Variants in MDH1B observed in about 807,000 individuals in gnomAD.
The protein encoded by MDH1B is malate dehydrogenase 1B, also known as putative malate dehydrogenase 1B.
Under a neutral mutation model 61.4 loss-of-function variants are expected in MDH1B, and 60 were observed. The observed-to-expected ratio is 0.98, with a 90% CI of 0.79 to 1.21. The LOEUF is 1.21. MDH1B is among the 50% of genes most tolerant of loss of function. The pLI, the probability that MDH1B is intolerant of heterozygous loss-of-function variation, is 0.00. For missense variants in MDH1B, 587 were observed against 632.1 expected (o/e 0.93, Z 0.76); for synonymous variants, 236 against 218.7 (o/e 1.08, Z -0.70).
At chr2:206,764,238 C>T (rs1001213818) in intron 1 of MDH1B, among the ~76,000 whole-genome samples, 1 of 151,186 alleles carries the variant, frequency 6.6e-6, no homozygotes, top group African/African-American at 2.4e-5. Context: ...GTCAAAGCTG[C>T]TGTGAGCCAC....
chr2:206,756,255 A>G (rs944286501), intron 4 of MDH1B, among the ~76,000 whole-genome samples: 2 of 152,222 alleles, frequency 1.3e-5, no homozygotes, highest in African/African-American at 2.4e-5. Context: ...ATCATTCTCA[A>G]TTCCTTTCTG....
At position 206,765,276 on chromosome 2, in the gene MDH1B, G is replaced by T. The variant is rs765857440; in HGVS notation, c.-5C>A. On this transcript the variant is annotated 5_prime_UTR_variant, in exon 1 of 12. Transcript: ENST00000374412. ...CGCGATGACGAATTTGGCCATGGTC[G>T]AGAGAGACTCAGAGGCAGGGACCGC... 6 of 1,601,196 alleles carry T rather than the reference G, an allele frequency of 3.7e-6. No homozygotes were observed. The South Asian group carries it at 6.7e-5, about 18-fold the overall frequency.
intron 1 of MDH1B, among the ~76,000 whole-genome samples, chr2:206,761,385 G>C (rs1016240534): frequency 2.6e-5 from 4 of 152,164 alleles, no homozygotes; most frequent in Non-Finnish European, 4.4e-5. Flanking sequence ...GGTAAAGTTT[G>C]AAGTGAGGAG....
At chr2:206,757,672 T>A (rs111661774) in intron 2 of MDH1B, among the ~76,000 whole-genome samples, 3 of 152,336 alleles carry the variant, frequency 2.0e-5, no homozygotes, top group African/African-American at 7.2e-5. Flanking sequence ...AGGTCACATG[T>A]TCCAACTCAA....
rs749704450 is a variant in MDH1B, at chr2:206,750,967, T to A, written c.1019A>T (p.Tyr340Phe). 5.0e-6 allele frequency: 8 copies of A among 1,611,388 alleles called. No individual in the cohort carries two copies. Among genetic ancestry groups the A allele is most frequent in the Non-Finnish European group, 6.8e-6 (8 of 1,178,574 alleles). The change falls in exon 6 of 12, where the codon TAT becomes TTT. Residue 340 changes from tyrosine (Y) to phenylalanine (F), a missense_variant. Physicochemically the swap from Tyr to Phe is conservative, Grantham distance 22. Transcript: ENST00000374412. ...AATCAAGTTTAAAACAGGGCGTGAA[T>A]AATGAAGAGGTCCCCAAATGGCACT... ...YESAIWGPLHYSRPVLNLIFD... is the reference protein window; with the variant it reads ...YESAIWGPLHFSRPVLNLIFD...
intron 9 of MDH1B, 44 bp from the exon 10 acceptor site, chr2:206,741,148 C>T (rs748914302): frequency 2.5e-6 from 4 of 1,609,778 alleles, no homozygotes; most frequent in Non-Finnish European, 3.4e-6. Flanking sequence ...TAGAATATAA[C>T]CAACAACCTA....
intron 2 of MDH1B, 27 bp from the exon 3 acceptor site, chr2:206,757,398 C>A (rs1688827851): frequency 6.2e-7 from 1 of 1,601,548 alleles, no homozygotes; most frequent in African/African-American, 1.3e-5. Context: ...CAAGTGAAGT[C>A]ATATATTAAA....
At chr2:206,754,546 C>T (rs1471704559) in intron 5 of MDH1B, among the ~76,000 whole-genome samples, 1 of 152,066 alleles carries the variant, frequency 6.6e-6, no homozygotes, top group Admixed American at 6.5e-5. Context: ...CATTGAATCC[C>T]CACATCAATT....
chr2:206,753,403 C>T (rs554690467), intron 5 of MDH1B, among the ~76,000 whole-genome samples: 1 of 152,164 alleles, frequency 6.6e-6, no homozygotes, highest in Non-Finnish European at 1.5e-5. Context: ...CCGCCTCAGC[C>T]TCCCAAGTAG....
Position 206,750,110 on chromosome 2 carries a change from T to C in MDH1B, c.1052+824A>G, listed in dbSNP as rs545066617. Among the ~76,000 whole-genome samples the C allele has an allele frequency of 4.6e-5, 7 of 151,988 alleles. No homozygotes were observed. The East Asian group carries it at 1.4e-3, about 30-fold the overall frequency. On this transcript the variant is annotated intron_variant, in intron 6 of 11. Transcript: ENST00000374412. The stretch of plus-strand genomic sequence containing the variant: ...CTAGGCAGGGGCGAAGCTCCTATGG[T>C]CTGAGGAAGAAAAGGAAAGCAAAGG...
At chr2:206,764,440 G>A (rs772374409) in intron 1 of MDH1B, among the ~76,000 whole-genome samples, 4 of 152,204 alleles carry the variant, frequency 2.6e-5, no homozygotes, top group Non-Finnish European at 4.4e-5. Context: ...GGAAGCAGAA[G>A]TAGAAGCCTT....
At chr2:206,754,955 T>G in intron 5 of MDH1B, 54 bp downstream of exon 5, 4 of 1,567,478 alleles carry the variant, frequency 2.6e-6, no homozygotes, top group Middle Eastern at 2.2e-4. Context: ...CTAGCTGCTT[T>G]GAAATCATGT....
At chr2:206,750,313 G>A (rs1356169481) in intron 6 of MDH1B, among the ~76,000 whole-genome samples, 6 of 149,932 alleles carry the variant, frequency 4.0e-5, no homozygotes, top group Admixed American at 2.6e-4. Flanking sequence ...AGACCCTATA[G>A]GGAGGACCCT....
rs767411575 is a variant in MDH1B at position 206,741,056 on chromosome 2, T to C, written c.1457A>G (p.Asp486Gly). The change falls in exon 10 of 12, where the codon GAT (aspartate) becomes GGT (glycine). Residue 486 changes from aspartate (D) to glycine (G), a missense_variant and splice_region_variant. Asp to Gly is a moderately conservative substitution (Grantham distance 94). Transcript: ENST00000374412. ...PDEEKNLAMS[D>G]AAEFPNQIPQ... Reference sequence around the variant, plus strand: ...TGTTTATAACCCCACTGACTTACCATCTGACATAGCTAGATTTTTTTCTTC... The same window carrying C: ...TGTTTATAACCCCACTGACTTACCACCTGACATAGCTAGATTTTTTTCTTC... The C allele has an allele frequency of 3.7e-6, 6 of 1,613,066 alleles. No individual in the cohort carries two copies. The Admixed American group carries it at 6.7e-5, about 18-fold the overall frequency.
In MDH1B at chr2:206,756,962, CTA is replaced by C. The variant is rs763241203; in HGVS notation, c.347_348del (p.Ile116ArgfsTer48). 1 of 1,614,102 alleles carries C rather than the reference CTA, an allele frequency of 6.2e-7. No individual in the cohort carries two copies. Among genetic ancestry groups the C allele is most frequent in the South Asian group, 1.1e-5 (1 of 91,076 alleles). ...AGGGCTTCTTCCTCCTGCTCTTTTT[CTA>C]TATGTGCCCCCAGGTTCTCTTGAGC... is the stretch of plus-strand genomic sequence containing the variant. ...VIAQENLGAH[I>X]EKEQEEEALK... On this transcript the variant is annotated frameshift_variant, in exon 4 of 12. Coordinates refer to ENST00000374412, the MANE Select transcript of MDH1B (RefSeq NM_001039845.3). LOFTEE classifies it high-confidence loss of function.
intron 4 of MDH1B, among the ~76,000 whole-genome samples, chr2:206,756,079 T>C (rs16838824): frequency 0.12 from 17,891 of 152,150 alleles, 1,478 homozygotes; most frequent in African/African-American, 0.24. Context: ...ATGCCCACCA[T>C]GGGAAGTTCA....
At chr2:206,763,005 C>A (rs563351394) in intron 1 of MDH1B, among the ~76,000 whole-genome samples, 1 of 152,040 alleles carries the variant, frequency 6.6e-6, no homozygotes, top group Non-Finnish European at 1.5e-5. Flanking sequence ...CTGCTTCATT[C>A]CCTTGGCTTC....
chr2:206,764,127 C>T (rs1366517402), intron 1 of MDH1B, among the ~76,000 whole-genome samples: 1 of 151,940 alleles, frequency 6.6e-6, no homozygotes, highest in Non-Finnish European at 1.5e-5. Context: ...GACAAAACCC[C>T]ATCTCTACAA....
At chr2:206,756,046 G>C (rs1309079944) in intron 4 of MDH1B, among the ~76,000 whole-genome samples, 1 of 151,930 alleles carries the variant, frequency 6.6e-6, no homozygotes, top group East Asian at 1.9e-4. Flanking sequence ...GTCTACAGCT[G>C]TGACTATCAG....
Sources: allele counts gnomAD v4.1 joint callset (sites outside exome capture counted in the v4.1 genomes callset), GRCh38; gene constraint gnomAD v4.1.1; transcripts MANE v1.5; gene names NCBI Gene and HGNC (gene_info 2026-07-23, HGNC 2026-07-21).